The following NR3C1 variants were observed in gnomAD, a reference collection of about 807,000 sequenced individuals.
NR3C1 encodes nuclear receptor subfamily 3 group C member 1.
In NR3C1, 14 loss-of-function variants were observed where a neutral mutation model predicts 74.0. That is an observed-to-expected ratio of 0.19 (90% CI 0.12 to 0.30). The LOEUF is 0.30. Ranked by LOEUF, NR3C1 falls within the 10% of genes least tolerant of loss-of-function variation. NR3C1 has a pLI of 1.00. For synonymous variants in NR3C1, 308 were observed against 332.5 expected, an observed-to-expected ratio of 0.93 and a Z score of 0.80; for missense variants, 695 against 909.8, an observed-to-expected ratio of 0.76 and a Z score of 3.04.
intron 2 of NR3C1, among the ~76,000 whole-genome samples, chr5:143,349,793 C>T (rs1248324365): frequency 6.6e-6 from 1 of 152,132 alleles, no homozygotes; most frequent in Non-Finnish European, 1.5e-5. Context: ...AACTTTTAGA[C>T]TAGCAGGAGC....
intron 2 of NR3C1, among the ~76,000 whole-genome samples, chr5:143,353,023 C>T (rs1341599822): frequency 6.6e-6 from 1 of 152,186 alleles, no homozygotes; most frequent in African/African-American, 2.4e-5. Flanking sequence ...GCTGCTTTAC[C>T]AATTAAGTTT....
chr5:143,331,261 T>C (rs1387000588), intron 2 of NR3C1, among the ~76,000 whole-genome samples: 5 of 152,096 alleles, frequency 3.3e-5, no homozygotes, highest in African/African-American at 1.2e-4. Context: ...AGAACAGCTA[T>C]TATTAAAAAG....
intron 4 of NR3C1, among the ~76,000 whole-genome samples, chr5:143,301,750 A>C (rs1467298236): frequency 1.3e-5 from 2 of 152,152 alleles, no homozygotes; most frequent in East Asian, 3.8e-4. Flanking sequence ...TTAGGGATGC[A>C]AACCATTTTG....
intron 3 of NR3C1, among the ~76,000 whole-genome samples, chr5:143,311,156 T>TG (rs1820865503): frequency 6.6e-6 from 1 of 152,224 alleles, no homozygotes; most frequent in African/African-American, 2.4e-5. Context: ...CTTCTTTACT[T>TG]GGACAGAAAA....
intron 2 of NR3C1, among the ~76,000 whole-genome samples, chr5:143,325,801 T>C (rs934657548): frequency 9.9e-5 from 15 of 152,156 alleles, no homozygotes; most frequent in Non-Finnish European, 2.1e-4. Flanking sequence ...TGGGGGCTGC[T>C]ATATTTAGTA....
intron 7 of NR3C1, among the ~76,000 whole-genome samples, chr5:143,286,639 G>A (rs1814556876): frequency 6.6e-6 from 1 of 152,046 alleles, no homozygotes; most frequent in Admixed American, 6.6e-5. Flanking sequence ...CTCTAGGATA[G>A]CGATAATAAA....
intron 2 of NR3C1, among the ~76,000 whole-genome samples, chr5:143,359,945 T>C (rs1021961804): frequency 1.3e-5 from 2 of 152,222 alleles, no homozygotes; most frequent in Admixed American, 1.3e-4. Flanking sequence ...ATAAATAAAA[T>C]AAATCAAGTT....
intron 2 of NR3C1, chr5:143,332,720 G>A (rs1011958489): frequency 2.7e-5 from 43 of 1,584,984 alleles, no homozygotes; most frequent in Non-Finnish European, 3.6e-5. Context: ...GACTAGAAGT[G>A]AAACCTCATG....
At chr5:143,333,413 G>A (rs1019173153) in intron 2 of NR3C1, among the ~76,000 whole-genome samples, 3 of 152,182 alleles carry the variant, frequency 2.0e-5, no homozygotes, top group Admixed American at 2.0e-4. Flanking sequence ...GTGAATGCCT[G>A]ATTAGGACAT....
chr5:143,384,214 C>G (rs1422682861), intron 2 of NR3C1, among the ~76,000 whole-genome samples: 2 of 152,180 alleles, frequency 1.3e-5, no homozygotes, highest in Admixed American at 6.5e-5. Flanking sequence ...GAAGTCCACC[C>G]TTGTGATTCA....
At chr5:143,297,063 T>G (rs1330891807) in intron 6 of NR3C1, among the ~76,000 whole-genome samples, 1 of 103,136 alleles carries the variant, frequency 9.7e-6, no homozygotes. Flanking sequence ...GGTGACAGAG[T>G]AAGACTCGTC....
chr5:143,404,386 G>GT, upstream of NR3C1: 8 of 985,480 alleles, frequency 8.1e-6, no homozygotes, highest in Non-Finnish European at 9.6e-6. Context: ...TTTGGGCCCG[G>GT]GGGGAGTCGC....
Position 143,339,083 on chromosome 5 carries a change from G to A in NR3C1, c.1185-24915C>T, listed in dbSNP as rs199815544. Among the ~76,000 whole-genome samples the A allele has an allele frequency of 2.0e-5, 3 of 152,272 alleles. No homozygotes were observed. The East Asian group carries it at 5.8e-4, about 29-fold the overall frequency. ...ACCATATGGTCCAGGTGTACTGTAG[G>A]ACATACCATTCAGATTTGTGTAAGT... On this transcript the variant is annotated intron_variant, in intron 2 of 8. Coordinates refer to ENST00000394464, the MANE Select transcript of NR3C1 (RefSeq NM_000176.3).
At chr5:143,378,301 C>T (rs749511651) in intron 2 of NR3C1, among the ~76,000 whole-genome samples, 2 of 151,920 alleles carry the variant, frequency 1.3e-5, no homozygotes, top group African/African-American at 4.8e-5. Flanking sequence ...ATCAAAACAG[C>T]GAAGACTGCA....
At chr5:143,409,317 A>G (rs1052554256) in intron 1 of NR3C1, 1 of 152,204 alleles carries the variant, frequency 6.6e-6, no homozygotes, top group Non-Finnish European at 1.5e-5. Flanking sequence ...CCTCTTACAT[A>G]AGCATACTTC....
intron 1 of NR3C1, among the ~76,000 whole-genome samples, chr5:143,421,451 T>C (rs951671723): frequency 6.6e-6 from 1 of 152,004 alleles, no homozygotes; most frequent in Non-Finnish European, 1.5e-5. Context: ...CCCTGTAAAA[T>C]GGGGGGAAAC....
At chr5:143,357,161 G>A (rs1420762516) in intron 2 of NR3C1, among the ~76,000 whole-genome samples, 1 of 151,952 alleles carries the variant, frequency 6.6e-6, no homozygotes, top group Non-Finnish European at 1.5e-5. Flanking sequence ...TATTTATAAC[G>A]TATTGCTAGT....
chr5:143,282,860 G>T, intron 7 of NR3C1, 135 bp from the exon 8 acceptor site: 1 of 889,478 alleles, frequency 1.1e-6, no homozygotes, highest in South Asian at 1.6e-5. Context: ...GCTCACTGGA[G>T]CCTTGACCTC....
intron 2 of NR3C1, among the ~76,000 whole-genome samples, chr5:143,360,142 G>A (rs542255562): frequency 7.2e-5 from 11 of 152,120 alleles, no homozygotes; most frequent in African/African-American, 2.4e-4. Flanking sequence ...AAAGCTACTT[G>A]GTTGTCAAAA....
Sources: gnomAD v4.1 joint callset for allele counts (sites outside exome capture counted in the v4.1 genomes callset) on GRCh38, gnomAD v4.1.1 for gene constraint, MANE v1.5 for transcripts, NCBI Gene and HGNC (gene_info 2026-07-23, HGNC 2026-07-21) for gene names.